The following DDX47 variants were observed in gnomAD, a reference collection of about 807,000 sequenced individuals.
DDX47 encodes DEAD-box helicase 47.
In DDX47, 60 loss-of-function variants were observed where a neutral mutation model predicts 58.8. The ratio of observed to expected loss-of-function variants is 1.02; its 90% CI spans 0.83 to 1.26. The LOEUF is 1.26. DDX47 is among the 50% of genes most tolerant of loss of function. DDX47 has a pLI of 0.00. For missense variants in DDX47, 530 were observed against 573.2 expected (o/e 0.92, Z 0.77); for synonymous variants, 197 against 204.6 (o/e 0.96, Z 0.32).
chr12:12,825,124 A>T (rs6488558), intron 9 of DDX47: 1 of 153,222 alleles, frequency 6.5e-6, no homozygotes. Flanking sequence ...ACAGGCGCCC[A>T]CCACCACGCC....
intron 11 of DDX47, among the ~76,000 whole-genome samples, chr12:12,828,140 G>C (rs1863083878): frequency 1.3e-5 from 2 of 152,102 alleles, no homozygotes; most frequent in East Asian, 3.9e-4. Context: ...TTACAGGCTT[G>C]AGCCATTGTG....
chr12:12,828,332 C>T lies in DDX47; in HGVS notation c.1236+957C>T, dbSNP rs116078582. Reference sequence around the variant, plus strand: ...TAAAAATATTGTGTAAAATTACCTTCATATATAAGGTATATATGAAACAAG... The same window carrying T: ...TAAAAATATTGTGTAAAATTACCTTTATATATAAGGTATATATGAAACAAG... On this transcript the variant is annotated intron_variant, in intron 11 of 11. Transcript: ENST00000358007. Among the ~76,000 whole-genome samples the T allele has an allele frequency of 9.6e-3, 1,464 of 152,214 alleles. 18 individuals are homozygous for T. Among genetic ancestry groups the T allele is most frequent in the African/African-American group, 0.034 (1,411 of 41,512 alleles).
At chr12:12,821,763 A>G (rs1648317429) in intron 4 of DDX47, 37 bp downstream of exon 4, 1 of 1,509,050 alleles carries the variant, frequency 6.6e-7, no homozygotes, top group South Asian at 1.1e-5. Flanking sequence ...ACTGGCAGTG[A>G]TGAATTGGAG....
At chr12:12,819,793 G>A (rs1862943774) in intron 2 of DDX47, among the ~76,000 whole-genome samples, 1 of 152,170 alleles carries the variant, frequency 6.6e-6, no homozygotes, top group Non-Finnish European at 1.5e-5. Flanking sequence ...TACTAAAAAT[G>A]TGTGAGTCAC....
At chr12:12,820,355 A>T (rs1862951101) in intron 2 of DDX47, 1 of 152,210 alleles carries the variant, frequency 6.6e-6, no homozygotes, top group South Asian at 2.1e-4. Flanking sequence ...AGTAATATTG[A>T]TCATGATATT....
chr12:12,823,832 G>A, intron 7 of DDX47, 38 bp from the exon 8 acceptor site: 1 of 1,600,222 alleles, frequency 6.2e-7, no homozygotes, highest in Non-Finnish European at 8.5e-7. Context: ...CTGTCTCCCA[G>A]GTTCAATGAC....
chr12:12,813,907 G>T lies in DDX47; in HGVS notation c.88-224G>T, dbSNP rs141719241. ...AATTGTTGTGACGATTAAATGAGAT[G>T]ATACATGTAAAGCACCTGGCCTTGG... On this transcript the variant is annotated intron_variant, in intron 1 of 11. Coordinates refer to ENST00000358007, the MANE Select transcript of DDX47 (RefSeq NM_016355.4). 7.6e-4 allele frequency among the ~76,000 whole-genome samples: 116 copies of T among 152,334 alleles called. 1 individual carries two copies. Among genetic ancestry groups the T allele is most frequent in the African/African-American group, 2.5e-3 (106 of 41,582 alleles).
intron 8 of DDX47, 88 bp downstream of exon 8, chr12:12,824,104 G>A: frequency 2.1e-6 from 3 of 1,426,420 alleles, no homozygotes; most frequent in Non-Finnish European, 2.8e-6. Context: ...TAAGGCCATA[G>A]GGCACCGATG....
At chr12:12,813,495 G>A in intron 1 of DDX47, 41 bp downstream of exon 1, 1 of 1,543,792 alleles carries the variant, frequency 6.5e-7, no homozygotes, top group Middle Eastern at 1.7e-4. Flanking sequence ...GTACTCTGGT[G>A]CTAGGCTCAG....
intron 2 of DDX47, among the ~76,000 whole-genome samples, chr12:12,818,259 C>T (rs531740478): frequency 1.8e-4 from 28 of 152,278 alleles, no homozygotes; most frequent in African/African-American, 6.5e-4. Context: ...TGGTGGCTCA[C>T]GCCTGTAATC....
chr12:12,828,053 T>C (rs1863083102), intron 11 of DDX47, among the ~76,000 whole-genome samples: 1 of 151,884 alleles, frequency 6.6e-6, no homozygotes, highest in African/African-American at 2.4e-5. Flanking sequence ...TTAGTAGAGA[T>C]GGGGTTTCTC....
At chr12:12,828,504 A>G (rs772336942) in intron 11 of DDX47, among the ~76,000 whole-genome samples, 2 of 152,192 alleles carry the variant, frequency 1.3e-5, no homozygotes, top group Non-Finnish European at 2.9e-5. Flanking sequence ...AAGTAGTAGT[A>G]ACAGTAATAG....
At chr12:12,828,152 C>A (rs1454810251) in intron 11 of DDX47, among the ~76,000 whole-genome samples, 1 of 151,972 alleles carries the variant, frequency 6.6e-6, no homozygotes, top group Non-Finnish European at 1.5e-5. Context: ...GCCATTGTGC[C>A]CAGCAATCCA....
intron 6 of DDX47, 86 bp from the exon 7 acceptor site, chr12:12,823,117 A>G: frequency 1.2e-6 from 1 of 857,970 alleles, no homozygotes. Context: ...TCAACATGAG[A>G]TTTGGGTGAG....
At chr12:12,814,388 G>A in intron 2 of DDX47, 164 bp downstream of exon 2, 1 of 581,768 alleles carries the variant, frequency 1.7e-6, no homozygotes, top group Middle Eastern at 3.9e-4. Context: ...ATTTTACTGA[G>A]CTTACTTTCT....
chr12:12,821,427 T>G, intron 3 of DDX47, 31 bp downstream of exon 3: 1 of 1,612,506 alleles, frequency 6.2e-7, no homozygotes, highest in Non-Finnish European at 8.5e-7. Flanking sequence ...GGATCCTAGG[T>G]TGCCATCACA....
chr12:12,827,127 A>T (rs1007267642), intron 10 of DDX47, 119 bp from the exon 11 acceptor site: 2 of 1,249,534 alleles, frequency 1.6e-6, no homozygotes, highest in Admixed American at 4.7e-5. Flanking sequence ...AAGAAATAAT[A>T]TGTTCAATAT....
In DDX47 at chr12:12,827,244, A is replaced by C. The variant is rs200120374; in HGVS notation, c.1107-2A>C. 1 of 1,612,862 alleles carries C rather than the reference A, an allele frequency of 6.2e-7. No homozygotes were observed. The highest frequency in any genetic ancestry group is 8.5e-7 in the Non-Finnish European group (1 of 1,179,642). ...CAGAGCTGTGCAGTTTTCCTTCCTC[A>C]GGTATGATGTGGAACTCTTCCAGCG... On this transcript the variant is annotated splice_acceptor_variant, in intron 10 of 11. Transcript: ENST00000358007. LOFTEE classifies it high-confidence loss of function.
chr12:12,818,901 A>C (rs974769068), intron 2 of DDX47, among the ~76,000 whole-genome samples: 2 of 152,218 alleles, frequency 1.3e-5, no homozygotes, highest in Non-Finnish European at 2.9e-5. Flanking sequence ...AACCACCTCC[A>C]TGATTCAAAT....
Sources: allele counts gnomAD v4.1 joint callset (sites outside exome capture counted in the v4.1 genomes callset), GRCh38; gene constraint gnomAD v4.1.1; transcripts MANE v1.5; gene names NCBI Gene and HGNC (gene_info 2026-07-23, HGNC 2026-07-21).